JAK2: variants seen among roughly 807,000 people sequenced by gnomAD.
JAK2 encodes Janus kinase 2.
In JAK2, 86 loss-of-function variants were observed where a neutral mutation model predicts 139.3. The ratio of observed to expected loss-of-function variants is 0.62; its 90% CI spans 0.52 to 0.74. The LOEUF is 0.74. Among genes scored for constraint, JAK2 ranks in the 30% least tolerant of loss-of-function variants. JAK2 has a pLI of 0.00. For missense variants in JAK2, 1,421 were observed against 1,360.3 expected, an observed-to-expected ratio of 1.04 and a Z score of -0.70; for synonymous variants, 490 against 437.7, an observed-to-expected ratio of 1.12 and a Z score of -1.49.
intron 4 of JAK2, among the ~76,000 whole-genome samples, chr9:5,034,696 C>T (rs537302475): frequency 6.6e-6 from 1 of 151,832 alleles, no homozygotes; most frequent in Non-Finnish European, 1.5e-5. Flanking sequence ...CCAACGAGAA[C>T]AAAGACACAA....
chr9:5,020,656 G>A (rs141315621), intron 2 of JAK2, among the ~76,000 whole-genome samples: 15 of 152,294 alleles, frequency 9.8e-5, no homozygotes, highest in Non-Finnish European at 1.5e-4. Context: ...GACACCTAGC[G>A]GCAGCAGCCT....
rs1467504351 is a variant in JAK2 at position 5,129,724 on chromosome 9, A to C, written c.*2933A>C. Among the ~76,000 whole-genome samples the C allele has an allele frequency of 6.6e-6, 1 of 152,140 alleles. No individual in the cohort carries two copies. Among genetic ancestry groups the C allele is most frequent in the Non-Finnish European group, 1.5e-5 (1 of 67,972 alleles). ...TTTAATATCAAGATAACTAGCTGCT[A>C]AGCGTTTCATAATTCTCACAGTGAT... is the stretch of plus-strand genomic sequence containing the variant. On this transcript the variant is annotated 3_prime_UTR_variant, in exon 25 of 25. Transcript: ENST00000381652.
intron 2 of JAK2, among the ~76,000 whole-genome samples, chr9:5,003,392 T>G (rs1821051548): frequency 6.6e-6 from 1 of 152,064 alleles, no homozygotes; most frequent in African/African-American, 2.4e-5. Context: ...CATTTATTTT[T>G]TGTAGAAATG....
chr9:5,027,665 C>G (rs548854149), intron 3 of JAK2, among the ~76,000 whole-genome samples: 1 of 152,308 alleles, frequency 6.6e-6, no homozygotes, highest in African/African-American at 2.4e-5. Context: ...GAAGTTGATT[C>G]ACTCAAACCC....
At chr9:5,046,827 G>A (rs1157282133) in intron 5 of JAK2, among the ~76,000 whole-genome samples, 5 of 152,132 alleles carry the variant, frequency 3.3e-5, no homozygotes, top group African/African-American at 1.2e-4. Flanking sequence ...ACTTTCTGTT[G>A]CTTTTACGGG....
intron 22 of JAK2, among the ~76,000 whole-genome samples, chr9:5,119,718 G>A (rs1586836325): frequency 6.6e-6 from 1 of 152,072 alleles, no homozygotes; most frequent in South Asian, 2.1e-4. Flanking sequence ...TCTGACTTTG[G>A]GGAATAATTA....
At position 5,090,784 on chromosome 9, in the gene JAK2, G is replaced by A; in HGVS notation, c.2932G>A (p.Ala978Thr). Residue 978 changes from alanine to threonine, a missense_variant, in exon 22 of 25, where the codon GCA becomes ACA. Coordinates refer to ENST00000381652, the MANE Select transcript of JAK2 (RefSeq NM_004972.4). ...AAAAAGGTATATCCACAGGGATCTG[G>A]CAACGAGAAATATATTGGTGGAGAA... ...GTKRYIHRDL[A>T]TRNILVENEN... 6.2e-7 allele frequency: 1 copy of A among 1,613,166 alleles called. No individual in the cohort carries two copies. The highest frequency in any genetic ancestry group is 1.1e-5 in the South Asian group (1 of 90,840).
chr9:5,122,723 C>T (rs1319540767), intron 22 of JAK2, among the ~76,000 whole-genome samples: 1 of 151,900 alleles, frequency 6.6e-6, no homozygotes, highest in Non-Finnish European at 1.5e-5. Flanking sequence ...AAGTTACATA[C>T]TCCCAGAAGA....
intron 4 of JAK2, among the ~76,000 whole-genome samples, chr9:5,038,390 A>G (rs531776808): frequency 6.6e-6 from 1 of 152,300 alleles, no homozygotes; most frequent in East Asian, 1.9e-4. Context: ...CAAAAAATAG[A>G]AAAGGAAGGA....
intron 2 of JAK2, among the ~76,000 whole-genome samples, chr9:5,007,832 A>G (rs1425642899): frequency 2.0e-5 from 3 of 151,936 alleles, no homozygotes; most frequent in Admixed American, 6.6e-5. Context: ...GGTTCAAGCA[A>G]TTCTCCTATC....
At chr9:5,012,132 C>T (rs1477475907) in intron 2 of JAK2, among the ~76,000 whole-genome samples, 1 of 152,168 alleles carries the variant, frequency 6.6e-6, no homozygotes, top group Non-Finnish European at 1.5e-5. Flanking sequence ...TTTCTAGCAG[C>T]TCCAAACTTC....
At chr9:5,028,479 C>G (rs1822924748) in intron 3 of JAK2, among the ~76,000 whole-genome samples, 1 of 152,202 alleles carries the variant, frequency 6.6e-6, no homozygotes, top group Non-Finnish European at 1.5e-5. Context: ...TTGGCTTCAA[C>G]TAAAAGTCAC....
chr9:5,108,414 G>C (rs1209672763), intron 22 of JAK2: 2 of 151,910 alleles, frequency 1.3e-5, no homozygotes, highest in African/African-American at 4.8e-5. Flanking sequence ...TGTTACACTT[G>C]TCTACACTTT....
intron 3 of JAK2, among the ~76,000 whole-genome samples, chr9:5,026,796 C>T (rs1822812145): frequency 6.6e-6 from 1 of 152,088 alleles, no homozygotes; most frequent in Admixed American, 6.5e-5. Flanking sequence ...TTTAGGTATT[C>T]TCTTGGTTTT....
At chr9:5,080,461 C>A in intron 17 of JAK2, 72 bp from the exon 18 acceptor site, 1 of 1,525,780 alleles carries the variant, frequency 6.6e-7, no homozygotes, top group Admixed American at 2.1e-5. Context: ...TTTTTTAGCC[C>A]ATCTAATTTT....
At chr9:5,108,852 G>A (rs778801904) in intron 22 of JAK2, 4 of 152,114 alleles carry the variant, frequency 2.6e-5, no homozygotes, top group Non-Finnish European at 5.9e-5. Context: ...CTTTACAGGT[G>A]CCGTCACCCT....
intron 22 of JAK2, chr9:5,100,487 T>G (rs1366379887): frequency 3.9e-5 from 6 of 152,192 alleles, no homozygotes; most frequent in Non-Finnish European, 8.8e-5. Context: ...ATGGAATAAT[T>G]CTATTTATTA....
At chr9:5,086,363 T>G (rs1820114977) in intron 19 of JAK2, among the ~76,000 whole-genome samples, 1 of 151,562 alleles carries the variant, frequency 6.6e-6, no homozygotes, top group African/African-American at 2.4e-5. Flanking sequence ...GAAATCCTCT[T>G]TATTCCTTTT....
At position 5,045,241 on chromosome 9, in the gene JAK2, A is replaced by G. The variant is rs149644821; in HGVS notation, c.468+721A>G. ...AGGCACTTGGTATCCCCAAGGTATC[A>G]GGAGTTCTAAATCAGATTTGCTAAT... is the stretch of plus-strand genomic sequence containing the variant. On this transcript the variant is annotated intron_variant, in intron 5 of 24. Coordinates refer to ENST00000381652, the MANE Select transcript of JAK2 (RefSeq NM_004972.4). Among the ~76,000 whole-genome samples, 5 of 152,320 alleles carry G rather than the reference A, an allele frequency of 3.3e-5. No individual in the cohort carries two copies. In the East Asian group the frequency reaches 9.6e-4, roughly 29 times the overall value.
Sources: gnomAD v4.1 joint callset for allele counts (sites outside exome capture counted in the v4.1 genomes callset) on GRCh38, gnomAD v4.1.1 for gene constraint, MANE v1.5 for transcripts, NCBI Gene and HGNC (gene_info 2026-07-23, HGNC 2026-07-21) for gene names.